ADHFE1: variants seen among roughly 807,000 people sequenced by gnomAD.
ADHFE1 encodes the protein alcohol dehydrogenase iron containing 1.
In ADHFE1, 37 loss-of-function variants were observed where a neutral mutation model predicts 54.8. The observed-to-expected ratio is 0.68, with a 90% CI of 0.52 to 0.89. The LOEUF is 0.89. Among genes scored for constraint, ADHFE1 ranks in the 40% least tolerant of loss-of-function variants. The pLI, the probability that ADHFE1 is intolerant of heterozygous loss-of-function variation, is 0.00. For synonymous variants in ADHFE1, 203 were observed against 229.3 expected (o/e 0.89, Z 1.04); for missense variants, 601 against 591.2 (o/e 1.02, Z -0.17).
intron 8 of ADHFE1, 77 bp downstream of exon 8, chr8:66,449,047 C>T: frequency 7.8e-7 from 1 of 1,285,028 alleles, no homozygotes; most frequent in Admixed American, 1.8e-5. Context: ...AACGCACATG[C>T]TAAGTATTCA....
At chr8:66,445,861 T>G (rs1805997983) in intron 6 of ADHFE1, among the ~76,000 whole-genome samples, 1 of 152,222 alleles carries the variant, frequency 6.6e-6, no homozygotes, top group Admixed American at 6.5e-5. Flanking sequence ...GTCTCTTCCC[T>G]GGGACATGTG....
intron 3 of ADHFE1, among the ~76,000 whole-genome samples, chr8:66,443,479 TG>T (rs1235601997): frequency 2.0e-5 from 3 of 152,128 alleles, no homozygotes; most frequent in Non-Finnish European, 4.4e-5. Context: ...GGTTTTGCCA[TG>T]TTGGCCAGGC....
chr8:66,438,202 C>T (rs549271111), intron 1 of ADHFE1, among the ~76,000 whole-genome samples: 1 of 152,182 alleles, frequency 6.6e-6, no homozygotes, highest in African/African-American at 2.4e-5. Context: ...CACGAGAAGC[C>T]AGTTGGGAAT....
At chr8:66,461,171 C>G (rs958958213) in intron 13 of ADHFE1, among the ~76,000 whole-genome samples, 7 of 152,222 alleles carry the variant, frequency 4.6e-5, no homozygotes, top group African/African-American at 7.2e-5. Context: ...CATTGCAATT[C>G]ACCATAAAGC....
intron 2 of ADHFE1, among the ~76,000 whole-genome samples, chr8:66,441,865 G>A (rs574555664): frequency 5.9e-5 from 9 of 151,966 alleles, no homozygotes; most frequent in Non-Finnish European, 1.3e-4. Context: ...CCAGCTGCTA[G>A]GAAGGCTGAG....
intron 1 of ADHFE1, among the ~76,000 whole-genome samples, chr8:66,433,883 C>G (rs775830926): frequency 6.6e-6 from 1 of 152,066 alleles, no homozygotes; most frequent in Non-Finnish European, 1.5e-5. Flanking sequence ...GGTTGTAAAC[C>G]TGTGTCATCA....
intron 10 of ADHFE1, among the ~76,000 whole-genome samples, chr8:66,454,887 T>C (rs1231753683): frequency 6.6e-6 from 1 of 152,000 alleles, no homozygotes; most frequent in East Asian, 1.9e-4. Context: ...CTAATTTTTT[T>C]ATATTTCTTA....
chr8:66,444,603 A>C lies in ADHFE1; in HGVS notation c.208A>C (p.Asn70His). Residue 70 changes from asparagine to histidine, a missense_variant, in exon 5 of 14, where the codon AAC becomes CAC. Transcript: ENST00000396623. The part of the protein sequence containing the change: ...VTKEVGMDLK[N>H]MGAKNVCLMT... The stretch of plus-strand genomic sequence containing the variant: ...ATAGGTTTTCTTGTAGGACCTAAAA[A>C]ACATGGGTGCTAAAAATGTGTGCTT... 1 of 1,614,160 alleles carries C rather than the reference A, an allele frequency of 6.2e-7. No homozygotes were observed. The highest frequency in any genetic ancestry group is 8.5e-7 in the Non-Finnish European group (1 of 1,180,032).
chr8:66,437,252 G>T (rs1223463463), intron 1 of ADHFE1, among the ~76,000 whole-genome samples: 2 of 152,154 alleles, frequency 1.3e-5, no homozygotes, highest in African/African-American at 4.8e-5. Context: ...CTAATAGGGA[G>T]GGGGATTTTG....
rs1806434110 is a variant in ADHFE1 at position 66,453,811 on chromosome 8, C to T, written c.888-248C>T. 3.4e-6 allele frequency: 5 copies of T among 1,455,956 alleles called. No individual in the cohort carries two copies. In the African/African-American group the frequency reaches 4.2e-5, roughly 12 times the overall value. The allele number at this position is 1,455,956 out of a possible 1,614,324, so 90.2% of individuals were successfully genotyped here. A position where few individuals can be genotyped will look rare whatever the true frequency, so the allele number is the denominator to read the frequency against. ...GGGACCAGCGCGTTGCCTCCCCCGG[C>T]GCTTTTACATCACATGAGCAGCTGA... On this transcript the variant is annotated intron_variant, in intron 9 of 13. Transcript: ENST00000396623.
intron 1 of ADHFE1, 121 bp downstream of exon 1, chr8:66,432,696 G>A (rs895582994): frequency 1.7e-5 from 21 of 1,235,228 alleles, no homozygotes; most frequent in Non-Finnish European, 2.1e-5. Context: ...GGAGAATTTG[G>A]ATACCGCCCT....
At chr8:66,465,111 T>G (rs1807099107) in intron 13 of ADHFE1, among the ~76,000 whole-genome samples, 1 of 152,232 alleles carries the variant, frequency 6.6e-6, no homozygotes, top group African/African-American at 2.4e-5. Flanking sequence ...GGTTATGCAT[T>G]TACCTATTGA....
Position 66,436,492 on chromosome 8 carries a change from G to A in ADHFE1, c.60-3670G>A, listed in dbSNP as rs370983703. Among the ~76,000 whole-genome samples, 10 of 152,212 alleles carry A rather than the reference G, an allele frequency of 6.6e-5. No individual in the cohort carries two copies. In the East Asian group the frequency reaches 1.5e-3, roughly 24 times the overall value. On this transcript the variant is annotated intron_variant, in intron 1 of 13. Transcript: ENST00000396623. The stretch of plus-strand genomic sequence containing the variant: ...GGGTGACCCCAAGATTCTCCGGCAC[G>A]AACAACTGGAAGGATGAAATTGCCA...
rs150656166 is a variant in ADHFE1 at position 66,468,318 on chromosome 8, C to A, written c.1370C>A (p.Ala457Asp). 1 of 1,613,396 alleles carries A rather than the reference C, an allele frequency of 6.2e-7. No homozygotes were observed. Among genetic ancestry groups the A allele is most frequent in the South Asian group, 1.1e-5 (1 of 91,012 alleles). ...TGTCCCCAGTCAGAAGAGGATCTGGCTGCTCTGTTTGAAGCTTCAATGAAA... is the reference window on the plus strand; with the variant it reads ...TGTCCCCAGTCAGAAGAGGATCTGGATGCTCTGTTTGAAGCTTCAATGAAA... ...APCPQSEEDL[A>D]ALFEASMKLY The change falls in exon 14 of 14, where the codon GCT becomes GAT. Residue 457 changes from alanine (A) to aspartate (D), a missense_variant. Ala to Asp is a moderately radical substitution (Grantham distance 126, BLOSUM62 -2). Coordinates refer to ENST00000396623, the MANE Select transcript of ADHFE1 (RefSeq NM_144650.3).
At position 66,432,592 on chromosome 8, in the gene ADHFE1, C is replaced by A; in HGVS notation, c.59+17C>A. On this transcript the variant is annotated intron_variant, in intron 1 of 13. Transcript: ENST00000396623. ...ACGCGCAGCGTGAGTGCGGGGCCGG[C>A]GGGCGGGCAGGGGACCGCAGGGTGC... 7.7e-7 allele frequency: 1 copy of A among 1,303,832 alleles called. No individual in the cohort carries two copies. The allele number at this position is 1,303,832 out of a possible 1,614,324, so 80.8% of individuals were successfully genotyped here. A position where few individuals can be genotyped will look rare whatever the true frequency, so the allele number is the denominator to read the frequency against.
Position 66,439,997 on chromosome 8 carries a change from T to C in ADHFE1, c.60-165T>C, listed in dbSNP as rs113149453. ...GAGTCAACTTTTTGTCCATCGTGATTTCTGGGTCTATATATATTTTTTCTA... is the reference window on the plus strand; with the variant it reads ...GAGTCAACTTTTTGTCCATCGTGATCTCTGGGTCTATATATATTTTTTCTA... On this transcript the variant is annotated intron_variant, in intron 1 of 13. Coordinates refer to ENST00000396623, the MANE Select transcript of ADHFE1 (RefSeq NM_144650.3). This position sits in a 1 kb window ranked among gnomAD's most constrained non-coding sequence, Gnocchi z 4.4. 0.017 allele frequency among the ~76,000 whole-genome samples: 2,534 copies of C among 152,300 alleles called. 34 individuals are homozygous for C. The highest frequency in any genetic ancestry group is 0.037 in the Middle Eastern group (11 of 294).
chr8:66,452,194 C>A, intron 9 of ADHFE1, 89 bp downstream of exon 9: 1 of 1,491,568 alleles, frequency 6.7e-7, no homozygotes, highest in East Asian at 2.4e-5. Context: ...CTGAAATATC[C>A]TGAGCAGGTC....
At chr8:66,460,181 T>C in intron 12 of ADHFE1, 127 bp from the exon 13 acceptor site, 2 of 1,223,138 alleles carry the variant, frequency 1.6e-6, no homozygotes, top group Non-Finnish European at 2.3e-6. Flanking sequence ...AGGCACACGA[T>C]GGCCCCGTGC....
intron 1 of ADHFE1, among the ~76,000 whole-genome samples, chr8:66,435,039 G>A (rs1046806747): frequency 6.6e-6 from 1 of 151,530 alleles, no homozygotes; most frequent in Non-Finnish European, 1.5e-5. Context: ...CTGGGGTACA[G>A]CAGGGAACAA....
Sources: gnomAD v4.1 joint callset for allele counts (sites outside exome capture counted in the v4.1 genomes callset) on GRCh38, gnomAD v4.1.1 for gene constraint, Gnocchi (gnomAD v3.1) non-coding constraint, MANE v1.5 for transcripts, NCBI Gene and HGNC (gene_info 2026-07-23, HGNC 2026-07-21) for gene names.